G6PC3: variants seen among roughly 807,000 people sequenced by gnomAD.
G6PC3 encodes glucose-6-phosphatase 3.
Under a neutral mutation model 38.6 loss-of-function variants are expected in G6PC3, and 30 were observed. The observed-to-expected ratio is 0.78, with a 90% CI of 0.58 to 1.05. G6PC3 has a LOEUF of 1.05. G6PC3 is among the 50% of genes least tolerant of loss of function. The probability of loss-of-function intolerance (pLI) is 0.00; values close to 1 mark genes in which losing one functional copy is unlikely to be tolerated. For synonymous variants in G6PC3, 192 were observed against 178.1 expected (o/e 1.08, Z -0.62); for missense variants, 377 against 443.1 (o/e 0.85, Z 1.34).
chr17:44,076,326 A>C lies in G6PC3; in HGVS notation c.*283A>C. 4 of 633,174 alleles carry C rather than the reference A, an allele frequency of 6.3e-6. No homozygotes were observed. The highest frequency in any genetic ancestry group is 8.8e-6 in the Non-Finnish European group (3 of 342,242). 39.2% of individuals were successfully genotyped at this position (633,174 alleles called of 1,614,324 possible). On this transcript the variant is annotated 3_prime_UTR_variant, in exon 6 of 6. Coordinates refer to ENST00000269097, the MANE Select transcript of G6PC3 (RefSeq NM_138387.4). ...AGGGGCAGCCAGGGCGGCCCCAATA[A>C]AGCCCTTGAATACTTTGAGATTCCT...
At chr17:44,073,616 G>A (rs1416781346) in intron 1 of G6PC3, 1 of 174,590 alleles carries the variant, frequency 5.7e-6, no homozygotes, top group Non-Finnish European at 1.2e-5. Flanking sequence ...CACACCCCAA[G>A]ATGCCTGGCT....
chr17:44,074,287 T>C, intron 2 of G6PC3, 21 bp downstream of exon 2: 1 of 1,552,526 alleles, frequency 6.4e-7, no homozygotes, highest in Non-Finnish European at 8.9e-7. Flanking sequence ...TCAAACATTC[T>C]CCCTTTCCCA....
In G6PC3 at chr17:44,075,372, G is replaced by T. The variant is rs1264644195; in HGVS notation, c.598G>T (p.Gly200Trp). Residue 200 changes from glycine to tryptophan, a missense_variant, in exon 5 of 6, where the codon GGG becomes TGG. Coordinates refer to ENST00000269097, the MANE Select transcript of G6PC3 (RefSeq NM_138387.4). ...VPMERELSFYGLTALALMLGT... is the reference protein window; with the variant it reads ...VPMERELSFYWLTALALMLGT... ...TATGGAGCGGGAGCTAAGCTTCTAT[G>T]GGTTGACTGCACTGGCCCTCATGCT... 2 of 1,614,032 alleles carry T rather than the reference G, an allele frequency of 1.2e-6. No individual in the cohort carries two copies. Among genetic ancestry groups the T allele is most frequent in the Non-Finnish European group, 1.7e-6 (2 of 1,180,016 alleles).
chr17:44,072,133 C>A, intron 1 of G6PC3: 1 of 207,558 alleles, frequency 4.8e-6, no homozygotes, highest in Non-Finnish European at 1.0e-5. Flanking sequence ...ACGAGGGCCT[C>A]ATCCTTATGT....
In G6PC3 at chr17:44,074,034, C is replaced by T. The variant is rs916701750; in HGVS notation, c.219-126C>T. Reference sequence around the variant, plus strand: ...CCATGGATACCTTGAGAGCAGTGGACAGAATCGTAGTCCCTTTTTGACTTC... The same window carrying T: ...CCATGGATACCTTGAGAGCAGTGGATAGAATCGTAGTCCCTTTTTGACTTC... On this transcript the variant is annotated intron_variant, in intron 1 of 5. Transcript: ENST00000269097. The T allele has an allele frequency of 2.7e-5, 21 of 778,442 alleles. 1 individual carries two copies. Among genetic ancestry groups the T allele is most frequent in the Non-Finnish European group, 5.0e-5 (21 of 420,228 alleles). The allele number at this position is 778,442 out of a possible 1,614,324, so 48.2% of individuals were successfully genotyped here. A position where few individuals can be genotyped will look rare whatever the true frequency, so the allele number is the denominator to read the frequency against.
Position 44,076,048 on chromosome 17 carries a change from T to C in G6PC3, c.*5T>C. The C allele has an allele frequency of 1.2e-6, 2 of 1,612,388 alleles. No homozygotes were observed. On this transcript the variant is annotated 3_prime_UTR_variant, in exon 6 of 6. Transcript: ENST00000269097. ...CCGCCCATCCACTCTTCCTGACTTC[T>C]TGTGTGCCTCCCTTTCCTTTCCCTC...
At position 44,076,153 on chromosome 17, in the gene G6PC3, T is replaced by A; in HGVS notation, c.*110T>A. The A allele has an allele frequency of 7.1e-7, 1 of 1,400,706 alleles. No individual in the cohort carries two copies. The highest frequency in any genetic ancestry group is 2.3e-5 in the East Asian group (1 of 43,942). The allele number at this position is 1,400,706 out of a possible 1,614,324, so 86.8% of individuals were successfully genotyped here. A position where few individuals can be genotyped will look rare whatever the true frequency, so the allele number is the denominator to read the frequency against. On this transcript the variant is annotated 3_prime_UTR_variant, in exon 6 of 6. Transcript: ENST00000269097. ...TCCAGCCCCTAAGTAGGCCCTCCCC[T>A]CCCTAAATCTGCTTCCGCACCACCT... is the stretch of plus-strand genomic sequence containing the variant.
chr17:44,075,592 A>G (rs1171611151), intron 5 of G6PC3, 88 bp from the exon 6 acceptor site: 3 of 1,601,498 alleles, frequency 1.9e-6, no homozygotes, highest in Admixed American at 1.7e-5. Context: ...AAAACAGAAC[A>G]TGGGAGTGGG....
chr17:44,075,120 G>A, intron 4 of G6PC3, 33 bp downstream of exon 4: 1 of 1,567,948 alleles, frequency 6.4e-7, no homozygotes, highest in Non-Finnish European at 8.8e-7. Context: ...TGGACTGAGA[G>A]GATGCCTTTG....
In G6PC3 at chr17:44,071,055, C is replaced by T. The variant is rs2144135114; in HGVS notation, c.90C>T (p.Thr30=). 6.2e-7 allele frequency: 1 copy of T among 1,608,430 alleles called. No homozygotes were observed. Among genetic ancestry groups the T allele is most frequent in the Non-Finnish European group, 8.5e-7 (1 of 1,177,324 alleles). ...AWLENVWLWI[T]FLGDPKILFL... is the part of the protein sequence containing the mutation. ...TGGAGAACGTGTGGCTCTGGATCAC[C>T]TTTCTGGGCGATCCCAAGATCCTCT... is the stretch of plus-strand genomic sequence containing the variant. Residue 30 remains threonine, a synonymous_variant, in exon 1 of 6, where the codon ACC becomes ACT. Coordinates refer to ENST00000269097, the MANE Select transcript of G6PC3 (RefSeq NM_138387.4).
intron 1 of G6PC3, chr17:44,073,939 G>GAA: frequency 4.6e-4 from 233 of 502,490 alleles, no homozygotes; most frequent in Non-Finnish European, 7.2e-4. Flanking sequence ...TGAGGGTTAG[G>GAA]AAAAAAAAAA....
rs148256151 is a variant in G6PC3, at chr17:44,074,110, C to G, written c.219-50C>G. On this transcript the variant is annotated intron_variant, in intron 1 of 5. Transcript: ENST00000269097. Reference sequence around the variant, plus strand: ...TGTGTCCTGCCCGCCTTGTACCCCCCCTGGCTGTGTGTGCATGTGGAAAGT... The same window carrying G: ...TGTGTCCTGCCCGCCTTGTACCCCCGCTGGCTGTGTGTGCATGTGGAAAGT... 1,439 of 1,315,042 alleles carry G rather than the reference C, an allele frequency of 1.1e-3. 7 individuals are homozygous for G. The African/African-American group carries it at 0.012, about 11-fold the overall frequency. 81.5% of individuals were successfully genotyped at this position (1,315,042 alleles called of 1,614,324 possible).
intron 3 of G6PC3, 65 bp downstream of exon 3, chr17:44,074,835 A>G (rs1597908809): frequency 6.6e-7 from 1 of 1,524,666 alleles, no homozygotes; most frequent in Non-Finnish European, 9.1e-7. Flanking sequence ...TAATAGACAC[A>G]GCAGCATGGC....
intron 1 of G6PC3, 84 bp from the exon 2 acceptor site, chr17:44,074,076 A>T: frequency 1.1e-6 from 1 of 909,962 alleles, no homozygotes; most frequent in Non-Finnish European, 1.9e-6. Flanking sequence ...CAGGCCCTCC[A>T]GAGTACTCTG....
Position 44,075,341 on chromosome 17 carries a change from A to C in G6PC3, c.567A>C (p.Arg189=). The change falls in exon 5 of 6, where the codon CGA becomes CGC. Residue 189 remains arginine, a synonymous_variant. Transcript: ENST00000269097. ...GAVLGWLMTP[R]VPMERELSFY... ...TCCTGGGCTGGCTGATGACTCCCCG[A>C]GTGCCTATGGAGCGGGAGCTAAGCT... The C allele has an allele frequency of 1.2e-6, 2 of 1,614,138 alleles. No homozygotes were observed. The highest frequency in any genetic ancestry group is 1.7e-6 in the Non-Finnish European group (2 of 1,180,004).
chr17:44,071,416 C>A (rs949605441), intron 1 of G6PC3: 1 of 708,080 alleles, frequency 1.4e-6, no homozygotes, highest in Non-Finnish European at 2.3e-6. Context: ...GAAAAATCAC[C>A]TAAGGGGCGT....
At chr17:44,073,883 T>C (rs1597907752) in intron 1 of G6PC3, 2 of 418,586 alleles carry the variant, frequency 4.8e-6, no homozygotes, top group Non-Finnish European at 8.9e-6. Context: ...CATGAGCCAC[T>C]GTACCTGGCC....
At chr17:44,074,556 A>G (rs1175163733) in intron 2 of G6PC3, 124 bp from the exon 3 acceptor site, 3 of 833,210 alleles carry the variant, frequency 3.6e-6, no homozygotes, top group Non-Finnish European at 4.1e-6. Flanking sequence ...AGAGCGAGTT[A>G]TGAATCAGTG....
At chr17:44,075,614 G>T in intron 5 of G6PC3, 66 bp from the exon 6 acceptor site, 1 of 1,605,256 alleles carries the variant, frequency 6.2e-7, no homozygotes, top group Non-Finnish European at 8.5e-7. Flanking sequence ...CCCAAGGGCA[G>T]ATGGCCAAGA....
Sources: gnomAD v4.1 joint callset for allele counts on GRCh38, gnomAD v4.1.1 for gene constraint, MANE v1.5 for transcripts, NCBI Gene and HGNC (gene_info 2026-07-23, HGNC 2026-07-21) for gene names.